LGR6: variants seen among roughly 807,000 people sequenced by gnomAD.
The protein encoded by LGR6 is leucine rich repeat containing G protein-coupled receptor 6.
A neutral mutation model predicts 69.4 loss-of-function variants in LGR6; 45 were observed. That is an observed-to-expected ratio of 0.65 (90% CI 0.51 to 0.83). The LOEUF is 0.83. Among genes scored for constraint, LGR6 ranks in the 40% least tolerant of loss-of-function variants. The pLI is 0.00. For missense variants in LGR6, 1,108 were observed against 1,246.7 expected (o/e 0.89, Z 1.68); for synonymous variants, 538 against 555.0 (o/e 0.97, Z 0.43).
At chr1:202,214,088 G>A in intron 1 of LGR6, 1 of 1,388,152 alleles carries the variant, frequency 7.2e-7, no homozygotes. Flanking sequence ...CAGAACGAGA[G>A]AGGATCAGCG....
chr1:202,244,336 G>A (rs139133945), intron 4 of LGR6, among the ~76,000 whole-genome samples: 1 of 152,202 alleles, frequency 6.6e-6, no homozygotes, highest in African/African-American at 2.4e-5. Context: ...CAGAAGAAAA[G>A]GATGTGGTAT....
intron 1 of LGR6, among the ~76,000 whole-genome samples, chr1:202,213,706 C>A (rs111430768): frequency 0.012 from 1,891 of 152,308 alleles, 32 homozygotes; most frequent in African/African-American, 0.042. Flanking sequence ...ATTTAAACCT[C>A]ACAACATTAT....
chr1:202,311,299 C>G (rs1653700861), intron 16 of LGR6, among the ~76,000 whole-genome samples: 2 of 152,216 alleles, frequency 1.3e-5, no homozygotes, highest in African/African-American at 4.8e-5. Context: ...CTACAACATT[C>G]ACCAGTTGGA....
In LGR6 at chr1:202,318,843, AC is replaced by A. The variant is rs762032409; in HGVS notation, c.2541del (p.Ser848GlnfsTer4). On this transcript the variant is annotated frameshift_variant, in exon 18 of 18. Transcript: ENST00000367278. LOFTEE classifies it low-confidence loss of function (END_TRUNC). ...DLRRLRPRAG[D>X]SGPLAYAAAG... ...CGGCGGCTTCGGCCCCGCGCAGGGG[AC>A]TCAGGGCCCCTAGCCTATGCTGCGG... The A allele has an allele frequency of 6.2e-7, 1 of 1,613,212 alleles. No homozygotes were observed. Among genetic ancestry groups the A allele is most frequent in the Non-Finnish European group, 8.5e-7 (1 of 1,179,740 alleles).
At chr1:202,248,146 A>G (rs1662906279) in intron 4 of LGR6, among the ~76,000 whole-genome samples, 2 of 152,256 alleles carry the variant, frequency 1.3e-5, no homozygotes, top group South Asian at 4.1e-4. Context: ...CCACCGGCTG[A>G]GGCTGCGTGG....
intron 1 of LGR6, among the ~76,000 whole-genome samples, chr1:202,195,348 G>C (rs2147882285): frequency 6.6e-6 from 1 of 152,334 alleles, no homozygotes; most frequent in African/African-American, 2.4e-5. Context: ...AGTGTTGGGA[G>C]TGTCCTGGTG....
At chr1:202,271,190 C>T (rs574543514) in intron 4 of LGR6, among the ~76,000 whole-genome samples, 36 of 152,264 alleles carry the variant, frequency 2.4e-4, no homozygotes, top group East Asian at 7.7e-4. Flanking sequence ...CCACCCTCTA[C>T]GGGGAGCTGC....
chr1:202,201,236 T>C (rs1206136198), intron 1 of LGR6, among the ~76,000 whole-genome samples: 1 of 152,212 alleles, frequency 6.6e-6, no homozygotes, highest in Non-Finnish European at 1.5e-5. Context: ...TGTGATCTTC[T>C]TCCAGAAAGA....
rs144135845 is a variant in LGR6, at chr1:202,280,829, G to C, written c.693G>C (p.Glu231Asp). 1.9e-6 allele frequency: 3 copies of C among 1,614,122 alleles called. No individual in the cohort carries two copies. Among genetic ancestry groups the C allele is most frequent in the Non-Finnish European group, 2.5e-6 (3 of 1,179,996 alleles). ...RIQHLGTHSF[E>D]GLHNLETLDL... ...AGCATCTGGGGACCCACAGCTTCGA[G>C]GGGCTGCACAATCTGGAGACACTGT... Residue 231 changes from glutamate (E) to aspartate (D), a missense_variant, in exon 6 of 18, where the codon GAG (glutamate) becomes GAC (aspartate). By Grantham distance (45) the Glu-to-Asp change is conservative. Transcript: ENST00000367278.
chr1:202,252,322 A>G (rs369764360), intron 4 of LGR6, among the ~76,000 whole-genome samples: 41 of 152,228 alleles, frequency 2.7e-4, no homozygotes, highest in African/African-American at 9.9e-4. Flanking sequence ...TACTGCCTGC[A>G]TCAATACAGC....
intron 6 of LGR6, among the ~76,000 whole-genome samples, chr1:202,288,937 A>G (rs1216181947): frequency 6.6e-6 from 1 of 152,128 alleles, no homozygotes; most frequent in Non-Finnish European, 1.5e-5. Flanking sequence ...TCCAGGTGAG[A>G]GGGATGTTGC....
At chr1:202,247,542 G>A (rs888974011) in intron 4 of LGR6, among the ~76,000 whole-genome samples, 5 of 152,188 alleles carry the variant, frequency 3.3e-5, no homozygotes, top group African/African-American at 1.2e-4. Flanking sequence ...CACATGGGAT[G>A]TAAATGTTAA....
At chr1:202,203,874 C>T (rs764875066) in intron 1 of LGR6, 3 of 1,612,072 alleles carry the variant, frequency 1.9e-6, no homozygotes, top group Non-Finnish European at 2.5e-6. Flanking sequence ...CATCTCTGCC[C>T]GGTGAGTTGT....
At chr1:202,280,259 TA>T (rs1054647380) in intron 5 of LGR6, among the ~76,000 whole-genome samples, 3 of 152,134 alleles carry the variant, frequency 2.0e-5, no homozygotes, top group African/African-American at 7.2e-5. Context: ...ACCACCTCTA[TA>T]AAGCCTGCCT....
At chr1:202,198,239 G>A (rs1020175093) in intron 1 of LGR6, among the ~76,000 whole-genome samples, 11 of 152,172 alleles carry the variant, frequency 7.2e-5, no homozygotes, top group African/African-American at 2.2e-4. Context: ...AGAGTAAGAG[G>A]TTGTGGCATT....
chr1:202,300,396 G>A (rs1480878538), intron 7 of LGR6, among the ~76,000 whole-genome samples: 3 of 152,170 alleles, frequency 2.0e-5, no homozygotes, highest in Admixed American at 6.5e-5. Context: ...GCTCACACCT[G>A]TAATCCCAAC....
intron 1 of LGR6, among the ~76,000 whole-genome samples, chr1:202,222,678 G>T (rs370182604): frequency 6.6e-6 from 1 of 152,198 alleles, no homozygotes; most frequent in Non-Finnish European, 1.5e-5. Flanking sequence ...CAGCTTCTGC[G>T]CTTGGGTTTC....
intron 4 of LGR6, among the ~76,000 whole-genome samples, chr1:202,245,089 C>T (rs1396815680): frequency 1.3e-5 from 2 of 152,226 alleles, no homozygotes; most frequent in African/African-American, 4.8e-5. Flanking sequence ...ACCCTGTTGG[C>T]ACCACCCATC....
intron 1 of LGR6, chr1:202,214,052 G>A: frequency 7.4e-7 from 1 of 1,355,544 alleles, no homozygotes; most frequent in Non-Finnish European, 9.4e-7. Context: ...GCGCTATCCA[G>A]AGGGAAGGGC....
Sources: gnomAD v4.1 joint callset for allele counts (sites outside exome capture counted in the v4.1 genomes callset) on GRCh38, gnomAD v4.1.1 for gene constraint, MANE v1.5 for transcripts, NCBI Gene and HGNC (gene_info 2026-07-23, HGNC 2026-07-21) for gene names.